The following PKP4 variants were observed in gnomAD, a reference collection of about 807,000 sequenced individuals.
The protein encoded by PKP4 is plakophilin-4.
In PKP4, 90 loss-of-function variants were observed where a neutral mutation model predicts 145.1. The ratio of observed to expected loss-of-function variants is 0.62; its 90% CI spans 0.52 to 0.74. The LOEUF (loss-of-function observed/expected upper bound fraction) is 0.74. PKP4 is among the 30% of genes least tolerant of loss of function. PKP4 has a pLI of 0.00. For synonymous variants in PKP4, 563 were observed against 577.2 expected (o/e 0.98, Z 0.35); for missense variants, 1,340 against 1,482.7 (o/e 0.90, Z 1.58).
chr2:158,604,909 ATGCCTGAAACC>A (rs1317996574), intron 4 of PKP4, among the ~76,000 whole-genome samples: 8 of 152,228 alleles, frequency 5.3e-5, no homozygotes, highest in African/African-American at 1.7e-4. Context: ...TAGAGAAAGC[ATGCCTGAAACC>A]TAGGAGAGCA....
chr2:158,508,536 C>G (rs1342251300), intron 1 of PKP4, among the ~76,000 whole-genome samples: 1 of 152,086 alleles, frequency 6.6e-6, no homozygotes, highest in Non-Finnish European at 1.5e-5. Context: ...CCCAGCTGTT[C>G]CTAGAGTACT....
At chr2:158,519,711 C>T (rs950828458) in intron 1 of PKP4, among the ~76,000 whole-genome samples, 28 of 152,132 alleles carry the variant, frequency 1.8e-4, no homozygotes, top group African/African-American at 6.8e-4. Context: ...AATTTCTAGA[C>T]TGACTAATTT....
intron 1 of PKP4, among the ~76,000 whole-genome samples, chr2:158,490,096 T>A (rs1694728280): frequency 1.3e-5 from 2 of 152,316 alleles, no homozygotes; most frequent in African/African-American, 4.8e-5. Context: ...TGAGATTTAT[T>A]TAAAATATTT....
chr2:158,471,772 G>C (rs1322932633), intron 1 of PKP4, among the ~76,000 whole-genome samples: 2 of 152,104 alleles, frequency 1.3e-5, no homozygotes, highest in African/African-American at 4.8e-5. Flanking sequence ...AAAGAAAAAA[G>C]AACTAGTCAT....
intron 2 of PKP4, among the ~76,000 whole-genome samples, chr2:158,572,919 A>G (rs1412363532): frequency 6.6e-6 from 1 of 152,242 alleles, no homozygotes; most frequent in Admixed American, 6.5e-5. Flanking sequence ...ATAAATTAGT[A>G]CAACTACTTT....
intron 1 of PKP4, among the ~76,000 whole-genome samples, chr2:158,460,200 A>G (rs1038842190): frequency 6.6e-5 from 10 of 152,220 alleles, no homozygotes; most frequent in Non-Finnish European, 1.5e-4. Context: ...AAGTAAAATT[A>G]TATACATTAT....
chr2:158,570,781 A>G (rs2047353900), intron 2 of PKP4, among the ~76,000 whole-genome samples: 1 of 152,228 alleles, frequency 6.6e-6, no homozygotes, highest in Admixed American at 6.5e-5. Context: ...CAGGATTTCA[A>G]TGACTTCAAT....
intron 1 of PKP4, among the ~76,000 whole-genome samples, chr2:158,482,028 T>C (rs1470046180): frequency 6.6e-6 from 1 of 152,238 alleles, no homozygotes; most frequent in Non-Finnish European, 1.5e-5. Flanking sequence ...TTTTCAGTTG[T>C]GATCGCTCAT....
chr2:158,487,595 ATTATT>A (rs1385446392), intron 1 of PKP4, among the ~76,000 whole-genome samples: 1 of 152,228 alleles, frequency 6.6e-6, no homozygotes, highest in African/African-American at 2.4e-5. Context: ...TGTTTATATA[ATTATT>A]CAAGTTAAAT....
At chr2:158,529,168 G>A (rs1476542542) in intron 1 of PKP4, among the ~76,000 whole-genome samples, 1 of 152,174 alleles carries the variant, frequency 6.6e-6, no homozygotes, top group East Asian at 1.9e-4. Context: ...CAAAAGGAAA[G>A]GCCTCCGTTA....
intron 16 of PKP4, 111 bp downstream of exon 16, chr2:158,666,674 C>T (rs999097175): frequency 3.7e-5 from 33 of 880,898 alleles, no homozygotes; most frequent in Middle Eastern, 2.8e-4. Context: ...ACAGCTGAGC[C>T]CTAGTCTCCA....
At chr2:158,521,687 G>C (rs930399564) in intron 1 of PKP4, among the ~76,000 whole-genome samples, 1 of 152,050 alleles carries the variant, frequency 6.6e-6, no homozygotes, top group Non-Finnish European at 1.5e-5. Context: ...TAGAATTCTA[G>C]ACTCGATACC....
intron 2 of PKP4, among the ~76,000 whole-genome samples, chr2:158,535,577 T>C (rs2105638984): frequency 6.6e-6 from 1 of 152,162 alleles, no homozygotes; most frequent in African/African-American, 2.4e-5. Context: ...GCCCAGCTAA[T>C]TTTTAGTTTT....
At position 158,642,718 on chromosome 2, in the gene PKP4, C is replaced by A. The variant is rs1420174036; in HGVS notation, c.1909+19C>A. On this transcript the variant is annotated intron_variant, in intron 11 of 21. Transcript: ENST00000389759. ...GTTACAGGTAGGTATAGAATGTGAT[C>A]TCGTCCTAGAGGAAATGTTGAAAAC... 1 of 1,543,454 alleles carries A rather than the reference C, an allele frequency of 6.5e-7. No individual in the cohort carries two copies. The highest frequency in any genetic ancestry group is 1.8e-5 in the Admixed American group (1 of 56,196).
chr2:158,477,765 A>G (rs1398338036), intron 1 of PKP4, among the ~76,000 whole-genome samples: 1 of 152,168 alleles, frequency 6.6e-6, no homozygotes, highest in Non-Finnish European at 1.5e-5. Context: ...ATATTACTTG[A>G]ACTCAGGAGA....
intron 1 of PKP4, among the ~76,000 whole-genome samples, chr2:158,526,824 A>G (rs1249361522): frequency 1.3e-5 from 1 of 74,786 alleles, no homozygotes. Context: ...AATCACAAGC[A>G]TTCTTATACG....
chr2:158,645,693 C>T (rs2054757065), intron 11 of PKP4, among the ~76,000 whole-genome samples: 1 of 152,204 alleles, frequency 6.6e-6, no homozygotes, highest in Non-Finnish European at 1.5e-5. Context: ...TAATGTGAAG[C>T]TTTTTCCTGC....
chr2:158,546,812 AAAAGG>A (rs1223059092), intron 2 of PKP4, among the ~76,000 whole-genome samples: 1 of 152,184 alleles, frequency 6.6e-6, no homozygotes, highest in Non-Finnish European at 1.5e-5. Context: ...TTGAGAGAAG[AAAAGG>A]TCAGAGGATT....
intron 11 of PKP4, among the ~76,000 whole-genome samples, chr2:158,644,292 C>G (rs1221142149): frequency 6.6e-6 from 1 of 152,072 alleles, no homozygotes; most frequent in Non-Finnish European, 1.5e-5. Context: ...GTGGAGCAGT[C>G]AGAGAAATAT....
Sources: allele counts gnomAD v4.1 joint callset (sites outside exome capture counted in the v4.1 genomes callset), GRCh38; gene constraint gnomAD v4.1.1; transcripts MANE v1.5; gene names NCBI Gene and HGNC (gene_info 2026-07-23, HGNC 2026-07-21).